NCR3LG1: variants seen among roughly 807,000 people sequenced by gnomAD.
NCR3LG1 encodes natural killer cell cytotoxicity receptor 3 ligand 1, also known as natural cytotoxicity triggering receptor 3 ligand 1.
A neutral mutation model predicts 34.8 loss-of-function variants in NCR3LG1; 35 were observed. That is an observed-to-expected ratio of 1.01 (90% confidence interval 0.77 to 1.33). The LOEUF (loss-of-function observed/expected upper bound fraction) is 1.33. Among genes scored for constraint, NCR3LG1 ranks in the 40% most tolerant of loss-of-function variants. NCR3LG1 has a pLI of 0.00. For synonymous variants in NCR3LG1, 173 were observed against 163.6 expected, an observed-to-expected ratio of 1.06 and a Z score of -0.44; for missense variants, 452 against 423.3, an observed-to-expected ratio of 1.07 and a Z score of -0.60.
chr11:17,374,701 A>C lies in NCR3LG1; in HGVS notation c.*2189A>C, dbSNP rs1334395235. The C allele has an allele frequency of 6.6e-6, 1 of 152,116 alleles. No individual in the cohort carries two copies. The highest frequency in any genetic ancestry group is 1.5e-5 in the Non-Finnish European group (1 of 68,018). 9.4% of individuals were successfully genotyped at this position (152,116 alleles called of 1,614,324 possible). A position where few individuals can be genotyped will look rare whatever the true frequency, so the allele number is the denominator to read the frequency against. On this transcript the variant is annotated 3_prime_UTR_variant, in exon 5 of 5. Coordinates refer to ENST00000338965, the MANE Select transcript of NCR3LG1 (RefSeq NM_001202439.3). ...CAGCTGAGGGATGCTTGGGCATTAC[A>C]GGTTTTTGTAGGTTATAGATACCCA...
chr11:17,364,649 T>C (rs1450649782), intron 2 of NCR3LG1, among the ~76,000 whole-genome samples: 1 of 151,988 alleles, frequency 6.6e-6, no homozygotes, highest in African/African-American at 2.4e-5. Context: ...TGGGTTCAAG[T>C]GATTATCCTG....
At chr11:17,363,435 T>C (rs1485925674) in intron 2 of NCR3LG1, among the ~76,000 whole-genome samples, 1 of 151,876 alleles carries the variant, frequency 6.6e-6, no homozygotes, top group African/African-American at 2.4e-5. Context: ...AGAAGTCCAG[T>C]GTTGTTCTTG....
chr11:17,356,505 C>T (rs913140135), intron 1 of NCR3LG1, 146 bp from the exon 2 acceptor site: 2 of 633,188 alleles, frequency 3.2e-6, no homozygotes, highest in Non-Finnish European at 5.4e-6. Context: ...TAATCGCTTC[C>T]CAAAGGCCCT....
chr11:17,367,092 T>C lies in NCR3LG1; in HGVS notation c.505T>C (p.Tyr169His), dbSNP rs534920979. The C allele has an allele frequency of 3.7e-4, 567 of 1,536,252 alleles. 13 individuals carry two copies. The South Asian group carries it at 6.1e-3, about 17-fold the overall frequency. ...ATATATGTGTGAGTCAAGTGGGTTC[T>C]ACCCAGAGGCTATTAATATAACATG... is the stretch of plus-strand genomic sequence containing the variant. Reference protein sequence around the residue: ...DKYMCESSGFYPEAINITWEK... With the variant: ...DKYMCESSGFHPEAINITWEK... Residue 169 changes from tyrosine (Y) to histidine (H), a missense_variant, in exon 3 of 5, where the codon TAC becomes CAC. Transcript: ENST00000338965.
At chr11:17,381,551 T>C (rs1485953839), downstream of NCR3LG1, 1 of 152,654 alleles carries the variant, frequency 6.6e-6, no homozygotes, top group Non-Finnish European at 1.5e-5. Context: ...GTATTGCATT[T>C]GCTTCTCTCT....
rs1953291086 is a variant in NCR3LG1 at position 17,362,744 on chromosome 11, CTTT to C, written c.422-4264_422-4262del. Among the ~76,000 whole-genome samples the C allele has an allele frequency of 3.7e-5, 4 of 108,970 alleles. 1 individual carries two copies. The highest frequency in any genetic ancestry group is 1.7e-5 in the Non-Finnish European group (1 of 59,886). The allele number at this position is 108,970 out of a possible 152,430, so 71.5% of individuals were successfully genotyped here. On this transcript the variant is annotated intron_variant, in intron 2 of 4. Coordinates refer to ENST00000338965, the MANE Select transcript of NCR3LG1 (RefSeq NM_001202439.3). Reference sequence around the variant, plus strand: ...TCTTTCTTTCTTTCTTTCTTTCTTTCTTTCTTTCTTTCTTTCTTTCTTTCCTTC... The same window carrying C: ...TCTTTCTTTCTTTCTTTCTTTCTTTCCTTTCTTTCTTTCTTTCTTTCCTTC...
At chr11:17,352,189 T>C in intron 1 of NCR3LG1, 150 bp downstream of exon 1, 1 of 525,390 alleles carries the variant, frequency 1.9e-6, no homozygotes. Flanking sequence ...TTTTTTTTTT[T>C]TTTTTTTTTG....
At chr11:17,369,458 TAA>T (rs1953383879) in intron 4 of NCR3LG1, among the ~76,000 whole-genome samples, 1 of 152,240 alleles carries the variant, frequency 6.6e-6, no homozygotes, top group Non-Finnish European at 1.5e-5. Flanking sequence ...AACATGTTTC[TAA>T]ACATTTTTAT....
In NCR3LG1 at chr11:17,353,402, A is replaced by G. The variant is rs945183999; in HGVS notation, c.70+1363A>G. 4.6e-5 allele frequency among the ~76,000 whole-genome samples: 7 copies of G among 151,672 alleles called. No individual in the cohort carries two copies. In the South Asian group the frequency reaches 1.0e-3, roughly 22 times the overall value. ...AATTGCGCTTGTCTCCGCGCTGCGG[A>G]CTTGAAACGCCTGTCACTGCGGTCT... On this transcript the variant is annotated intron_variant, in intron 1 of 4. Coordinates refer to ENST00000338965, the MANE Select transcript of NCR3LG1 (RefSeq NM_001202439.3).
downstream of NCR3LG1, among the ~76,000 whole-genome samples, chr11:17,378,877 A>G (rs906610988): frequency 1.3e-5 from 2 of 152,228 alleles, no homozygotes; most frequent in African/African-American, 4.8e-5. Context: ...AGACTTGCCC[A>G]GAGATGCCCA....
intron 1 of NCR3LG1, among the ~76,000 whole-genome samples, chr11:17,355,867 G>A (rs979615136): frequency 2.6e-5 from 4 of 151,986 alleles, no homozygotes; most frequent in Non-Finnish European, 4.4e-5. Flanking sequence ...GCATTATCAC[G>A]GCTGACTGCA....
chr11:17,379,110 G>A (rs915427630), downstream of NCR3LG1, among the ~76,000 whole-genome samples: 1 of 152,098 alleles, frequency 6.6e-6, no homozygotes, highest in African/African-American at 2.4e-5. Flanking sequence ...CTTGGCAGTG[G>A]GGAGCTTTCT....
intron 2 of NCR3LG1, among the ~76,000 whole-genome samples, chr11:17,359,197 A>G (rs1953243105): frequency 6.6e-6 from 1 of 152,342 alleles, no homozygotes; most frequent in East Asian, 1.9e-4. Context: ...AGACCCTCTC[A>G]GCCAACAGAG....
In NCR3LG1 at chr11:17,364,552, CT is replaced by C. The variant is rs552228731; in HGVS notation, c.422-2446del. Reference sequence around the variant, plus strand: ...TCACTGATTCTTTCCTTGTCAGTTTCTTTTTTTTTTTGAGACGGAGTTTTGC... The same window carrying C: ...TCACTGATTCTTTCCTTGTCAGTTTCTTTTTTTTTTGAGACGGAGTTTTGC... On this transcript the variant is annotated intron_variant, in intron 2 of 4. Transcript: ENST00000338965. 3.5e-3 allele frequency among the ~76,000 whole-genome samples: 505 copies of C among 143,982 alleles called. 5 individuals are homozygous for C. Among genetic ancestry groups the C allele is most frequent in the African/African-American group, 0.01 (397 of 39,684 alleles). 94.5% of individuals were successfully genotyped at this position (143,982 alleles called of 152,430 possible).
In NCR3LG1 at chr11:17,372,551, C is replaced by G; in HGVS notation, c.*39C>G. 1.5e-6 allele frequency: 1 copy of G among 647,312 alleles called. No individual in the cohort carries two copies. The highest frequency in any genetic ancestry group is 2.8e-6 in the Non-Finnish European group (1 of 358,914). 40.1% of individuals were successfully genotyped at this position (647,312 alleles called of 1,614,324 possible). A position where few individuals can be genotyped will look rare whatever the true frequency, so the allele number is the denominator to read the frequency against. On this transcript the variant is annotated 3_prime_UTR_variant, in exon 5 of 5. Transcript: ENST00000338965. ...CTGGTGCCACTAGGGTCCAAGTTCC[C>G]TTTTCATTACAGGACCTTGGGCAAA...
In NCR3LG1 at chr11:17,375,778, C is replaced by G. The variant is rs540932574; in HGVS notation, c.*3266C>G. The G allele has an allele frequency of 2.6e-5, 4 of 152,266 alleles. No individual in the cohort carries two copies. The South Asian group carries it at 8.3e-4, about 32-fold the overall frequency. The allele number at this position is 152,266 out of a possible 1,614,324, so 9.4% of individuals were successfully genotyped here. A position where few individuals can be genotyped will look rare whatever the true frequency, so the allele number is the denominator to read the frequency against. ...AGCTAAGTCAGCAGTAAGAAGGCCC[C>G]AAGGTCCCAAAACACTTGAGGCCCC... On this transcript the variant is annotated 3_prime_UTR_variant, in exon 5 of 5. Transcript: ENST00000338965.
At chr11:17,354,679 TG>T (rs542029924) in intron 1 of NCR3LG1, among the ~76,000 whole-genome samples, 113 of 151,816 alleles carry the variant, frequency 7.4e-4, no homozygotes, top group African/African-American at 2.6e-3. Context: ...GGAAGCATAC[TG>T]TTTTTTTGGT....
intron 2 of NCR3LG1, among the ~76,000 whole-genome samples, chr11:17,365,028 A>G (rs898383629): frequency 6.6e-6 from 1 of 152,166 alleles, no homozygotes. Context: ...CATTTTAATT[A>G]TAGTTTTTTA....
Position 17,367,057 on chromosome 11 carries a change from A to G in NCR3LG1, c.470A>G (p.Asn157Ser). ...LLLDQVGMKE[N>S]EDKYMCESSG... ...CTGGATCAAGTGGGCATGAAAGAGA[A>G]TGAAGACAAATATATGTGTGAGTCA... Residue 157 changes from asparagine to serine, a missense_variant, in exon 3 of 5, where the codon AAT becomes AGT. Asn to Ser is a conservative substitution (Grantham distance 46). Coordinates refer to ENST00000338965, the MANE Select transcript of NCR3LG1 (RefSeq NM_001202439.3). The G allele has an allele frequency of 2.0e-6, 3 of 1,535,838 alleles. No homozygotes were observed. The highest frequency in any genetic ancestry group is 2.7e-5 in the African/African-American group (2 of 73,146).
Sources: allele counts gnomAD v4.1 joint callset (sites outside exome capture counted in the v4.1 genomes callset), GRCh38; gene constraint gnomAD v4.1.1; transcripts MANE v1.5; gene names NCBI Gene and HGNC (gene_info 2026-07-23, HGNC 2026-07-21).